Variants in ARSG observed in about 807,000 individuals in gnomAD.
ARSG encodes ASG.
ARSG carries 37 observed loss-of-function variants against 50.5 expected under a neutral mutation model. The ratio of observed to expected loss-of-function variants is 0.73; its 90% CI spans 0.56 to 0.96. The LOEUF (loss-of-function observed/expected upper bound fraction) is 0.96. ARSG is among the 50% of genes least tolerant of loss of function. ARSG has a pLI of 0.00. For synonymous variants in ARSG, 225 were observed against 254.6 expected, an observed-to-expected ratio of 0.88 and a Z score of 1.11; for missense variants, 629 against 675.3, an observed-to-expected ratio of 0.93 and a Z score of 0.76.
At chr17:68,450,960 C>T in the ARSG span, 1 of 1,555,034 alleles carries the variant, frequency 6.4e-7, no homozygotes, top group Non-Finnish European at 8.7e-7. Flanking sequence ...ATTCCAGCCT[C>T]CATGACACTG....
chr17:68,287,205 C>G (rs2075860917), upstream of ARSG, among the ~76,000 whole-genome samples: 1 of 152,186 alleles, frequency 6.6e-6, no homozygotes, highest in Non-Finnish European at 1.5e-5. Flanking sequence ...GTCTTGAACT[C>G]CTAACCTCAG....
chr17:68,338,024 C>A (rs1304262782), intron 2 of ARSG, among the ~76,000 whole-genome samples: 5 of 152,194 alleles, frequency 3.3e-5, no homozygotes, highest in Non-Finnish European at 7.4e-5. Flanking sequence ...CCCAGGCATT[C>A]AGGTGCCTGG....
intron 2 of ARSG, among the ~76,000 whole-genome samples, chr17:68,341,074 G>A (rs1281089166): frequency 6.6e-6 from 1 of 152,064 alleles, no homozygotes; most frequent in Non-Finnish European, 1.5e-5. Context: ...GCCACCAGTG[G>A]AACAGCTACT....
downstream of ARSG, chr17:68,421,761 G>A (rs1211483251): frequency 1.2e-6 from 2 of 1,614,022 alleles, no homozygotes; most frequent in South Asian, 1.1e-5. Context: ...GATTTCTGAG[G>A]TGTGCTTCTC....
At chr17:68,309,255 G>A (rs1314038533) in intron 2 of ARSG, among the ~76,000 whole-genome samples, 3 of 152,240 alleles carry the variant, frequency 2.0e-5, no homozygotes, top group African/African-American at 7.2e-5. Context: ...TGGCCCACAA[G>A]CGCAGCACGC....
At chr17:68,417,439 C>T (rs1437228573) in intron 11 of ARSG, among the ~76,000 whole-genome samples, 1 of 152,158 alleles carries the variant, frequency 6.6e-6, no homozygotes, top group African/African-American at 2.4e-5. Context: ...GGAGGTAAAA[C>T]TCACAAAAGT....
rs1021823110 is a variant in ARSG at position 68,378,304 on chromosome 17, C to A, written c.983-6760C>A. Among the ~76,000 whole-genome samples the A allele has an allele frequency of 2.4e-4, 37 of 152,352 alleles. No homozygotes were observed. Among genetic ancestry groups the A allele is most frequent in the African/African-American group, 7.2e-4 (30 of 41,586 alleles). The stretch of plus-strand genomic sequence containing the variant: ...AGTACCCGGAGTCGTGCAACTTTCT[C>A]CCTGAAGCCAGGCTGCTGCGTCAGG... On this transcript the variant is annotated intron_variant, in intron 8 of 11. Coordinates refer to ENST00000621439, the MANE Select transcript of ARSG (RefSeq NM_001267727.2). This position sits in a 1 kb window ranked among gnomAD's most constrained non-coding sequence, Gnocchi z 4.4.
At chr17:68,331,221 C>G (rs545997084) in intron 2 of ARSG, among the ~76,000 whole-genome samples, 6 of 35,272 alleles carry the variant, frequency 1.7e-4, no homozygotes, top group East Asian at 1.1e-3. Flanking sequence ...TTCTTTCTTT[C>G]TTTCTTTCTT....
At chr17:68,384,134 C>A (rs1473314227) in intron 8 of ARSG, among the ~76,000 whole-genome samples, 1 of 152,168 alleles carries the variant, frequency 6.6e-6, no homozygotes, top group Non-Finnish European at 1.5e-5. Flanking sequence ...AATTGCATGA[C>A]CACAGTGTGT....
chr17:68,368,579 G>T lies in ARSG; in HGVS notation c.736G>T (p.Ala246Ser). 6.2e-7 allele frequency: 1 copy of T among 1,614,090 alleles called. No homozygotes were observed. The highest frequency in any genetic ancestry group is 8.5e-7 in the Non-Finnish European group (1 of 1,180,008). Residue 246 changes from alanine to serine, a missense_variant, in exon 7 of 12, where the codon GCT becomes TCT. Coordinates refer to ENST00000621439, the MANE Select transcript of ARSG (RefSeq NM_001267727.2). ...CGGGAGGCCCTTCCTGCTCTATGTGGCTCTGGCCCACATGCACGTGCCCTT... is the reference window on the plus strand; with the variant it reads ...CGGGAGGCCCTTCCTGCTCTATGTGTCTCTGGCCCACATGCACGTGCCCTT... Reference protein sequence around the residue: ...TSGRPFLLYVALAHMHVPLPV... With the variant: ...TSGRPFLLYVSLAHMHVPLPV...
downstream of ARSG, among the ~76,000 whole-genome samples, chr17:68,425,365 G>A (rs184724508): frequency 2.5e-4 from 37 of 146,990 alleles, no homozygotes; most frequent in Middle Eastern, 3.4e-3. Flanking sequence ...CACCACACCC[G>A]GCTAATTTTT....
At chr17:68,350,317 C>T (rs760686656) in intron 4 of ARSG, among the ~76,000 whole-genome samples, 1 of 152,140 alleles carries the variant, frequency 6.6e-6, no homozygotes, top group Non-Finnish European at 1.5e-5. Context: ...CTCCCTACTC[C>T]TGGGCCTGGA....
chr17:68,430,199 C>T, the ARSG span: 1 of 1,577,688 alleles, frequency 6.3e-7, no homozygotes, highest in Non-Finnish European at 8.6e-7. Context: ...GACTGGGCTG[C>T]AGGCCCCACA....
At chr17:68,346,948 A>T in intron 3 of ARSG, 177 bp from the exon 4 acceptor site, 2 of 1,515,512 alleles carry the variant, frequency 1.3e-6, no homozygotes, top group Non-Finnish European at 1.8e-6. Flanking sequence ...GTCCCTGTGG[A>T]CACCGTCTCG....
chr17:68,401,889 C>T (rs939442835), intron 11 of ARSG, among the ~76,000 whole-genome samples: 4 of 152,184 alleles, frequency 2.6e-5, no homozygotes, highest in African/African-American at 4.8e-5. Flanking sequence ...TTCACTGTGA[C>T]TATCTGTCTC....
rs533326854 is a variant in ARSG, at chr17:68,337,809, G to T, written c.219-5795G>T. On this transcript the variant is annotated intron_variant, in intron 2 of 11. Coordinates refer to ENST00000621439, the MANE Select transcript of ARSG (RefSeq NM_001267727.2). ...ATTTTGTATTTTTAGTAGAGACGGG[G>T]TTTCTCCATGTTGGTCAGGCTGGTC... 3.8e-3 allele frequency among the ~76,000 whole-genome samples: 583 copies of T among 152,090 alleles called. 4 individuals are homozygous for T. The highest frequency in any genetic ancestry group is 0.013 in the African/African-American group (546 of 41,480).
intron 1 of ARSG, among the ~76,000 whole-genome samples, chr17:68,299,937 C>CTTT (rs34778190): frequency 1.4e-4 from 19 of 137,980 alleles, no homozygotes; most frequent in Admixed American, 8.1e-4. Flanking sequence ...TTTGGTATTG[C>CTTT]TTTTTTTTTT....
chr17:68,407,079 C>T (rs937082410), intron 11 of ARSG, among the ~76,000 whole-genome samples: 1 of 152,140 alleles, frequency 6.6e-6, no homozygotes, highest in African/African-American at 2.4e-5. Context: ...GTTTCATTCT[C>T]CTACATGTGG....
intron 1 of ARSG, among the ~76,000 whole-genome samples, chr17:68,275,404 A>G (rs2075482312): frequency 6.6e-6 from 1 of 152,146 alleles, no homozygotes. Context: ...AATACAAAGT[A>G]ATCTTGGATG....
Sources: gnomAD v4.1 joint callset for allele counts (sites outside exome capture counted in the v4.1 genomes callset) on GRCh38, gnomAD v4.1.1 for gene constraint, Gnocchi (gnomAD v3.1) non-coding constraint, MANE v1.5 for transcripts, NCBI Gene and HGNC (gene_info 2026-07-23, HGNC 2026-07-21) for gene names.